Variants in GAPT observed in about 807,000 individuals in gnomAD.
GAPT encodes the protein GRB2 binding adaptor protein, transmembrane.
For missense variants in GAPT, 206 were observed against 189.2 expected (o/e 1.09, Z -0.52); for synonymous variants, 82 against 69.7 (o/e 1.18, Z -0.88).
In GAPT at chr5:58,494,378, C is replaced by A; in HGVS notation, c.-159C>A. On this transcript the variant is annotated 5_prime_UTR_variant, in exon 3 of 3. Coordinates refer to ENST00000502276, the MANE Select transcript of GAPT (RefSeq NM_001304431.2). ...GTTTATACACTCTCTCCTCTAATTG[C>A]ATCAGGACTTTACCAGATAATGTTC... The A allele has an allele frequency of 1.6e-6, 1 of 607,858 alleles. No homozygotes were observed. The allele number at this position is 607,858 out of a possible 1,614,324, so 37.7% of individuals were successfully genotyped here.
chr5:58,496,348 T>C lies in GAPT; in HGVS notation c.*1338T>C, dbSNP rs1368868651. ...AAAAAAATCTAATAAATTCATCTGT[T>C]ATTCATCCATACAAGGAATATTTGT... On this transcript the variant is annotated 3_prime_UTR_variant, in exon 3 of 3. Coordinates refer to ENST00000502276, the MANE Select transcript of GAPT (RefSeq NM_001304431.2). The C allele has an allele frequency of 1.2e-5, 2 of 166,966 alleles. No individual in the cohort carries two copies. The highest frequency in any genetic ancestry group is 2.9e-5 in the Non-Finnish European group (2 of 68,126). The allele number at this position is 166,966 out of a possible 1,614,324, so 10.3% of individuals were successfully genotyped here.
intron 1 of GAPT, chr5:58,493,488 T>A (rs190866509): frequency 3.3e-5 from 5 of 152,340 alleles, no homozygotes; most frequent in Admixed American, 2.6e-4. Flanking sequence ...TCTCATTTCA[T>A]GTTTTAAGTA....
Position 58,494,900 on chromosome 5 carries a change from G to C in GAPT, c.364G>C (p.Glu122Gln). The C allele has an allele frequency of 6.2e-7, 1 of 1,613,902 alleles. No homozygotes were observed. Among genetic ancestry groups the C allele is most frequent in the African/African-American group, 1.3e-5 (1 of 75,038 alleles). Residue 122 changes from glutamate (E) to glutamine (Q), a missense_variant, in exon 3 of 3, where the codon GAG (glutamate) becomes CAG (glutamine). Coordinates refer to ENST00000502276, the MANE Select transcript of GAPT (RefSeq NM_001304431.2). ...YENTGQSNFE[E>Q]HIYGNETSSD... is the part of the protein sequence containing the mutation. Reference sequence around the variant, plus strand: ...AAACACAGGGCAGTCTAATTTCGAGGAGCATATCTATGGAAATGAGACATC... The same window carrying C: ...AAACACAGGGCAGTCTAATTTCGAGCAGCATATCTATGGAAATGAGACATC...
At position 58,496,785 on chromosome 5, in the gene GAPT, C is replaced by T. The variant is rs1744462865; in HGVS notation, c.*1775C>T. On this transcript the variant is annotated 3_prime_UTR_variant, in exon 3 of 3. Coordinates refer to ENST00000502276, the MANE Select transcript of GAPT (RefSeq NM_001304431.2). ...TTGTTTGCAGCTTTCTAGTTTCTTC[C>T]ATCATTCCCAGGACCAGCTTCTCTG... The T allele has an allele frequency of 1.2e-5, 2 of 167,516 alleles. No individual in the cohort carries two copies. The highest frequency in any genetic ancestry group is 2.9e-5 in the Non-Finnish European group (2 of 68,356). The allele number at this position is 167,516 out of a possible 1,614,324, so 10.4% of individuals were successfully genotyped here.
intron 2 of GAPT, 113 bp downstream of exon 2, chr5:58,493,951 C>A (rs1027728831): frequency 2.0e-5 from 3 of 152,282 alleles, no homozygotes; most frequent in Admixed American, 1.3e-4. Context: ...ATGTGGAGAT[C>A]TAAGTGATAA....
In GAPT at chr5:58,495,619, G is replaced by T; in HGVS notation, c.*609G>T. 1 of 163,092 alleles carries T rather than the reference G, an allele frequency of 6.1e-6. No individual in the cohort carries two copies. 10.1% of individuals were successfully genotyped at this position (163,092 alleles called of 1,614,324 possible). On this transcript the variant is annotated 3_prime_UTR_variant, in exon 3 of 3. Transcript: ENST00000502276. ...ACCCTCCTTGCACCAGACTAAATCT[G>T]TATTATGTGATATTGATTCTTCCTT...
intron 1 of GAPT, among the ~76,000 whole-genome samples, chr5:58,493,393 A>G (rs1744323370): frequency 6.6e-6 from 1 of 152,192 alleles, no homozygotes; most frequent in Admixed American, 6.5e-5. Flanking sequence ...ATGTAAAATC[A>G]TCTTGCATGG....
In GAPT at chr5:58,496,937, C is replaced by A. The variant is rs1744466171; in HGVS notation, c.*1927C>A. The A allele has an allele frequency of 6.0e-6, 1 of 167,082 alleles. No individual in the cohort carries two copies. The highest frequency in any genetic ancestry group is 6.5e-5 in the Admixed American group (1 of 15,274). The allele number at this position is 167,082 out of a possible 1,614,324, so 10.3% of individuals were successfully genotyped here. A position where few individuals can be genotyped will look rare whatever the true frequency, so the allele number is the denominator to read the frequency against. On this transcript the variant is annotated 3_prime_UTR_variant, in exon 3 of 3. Transcript: ENST00000502276. ...GTACCCTCAGAGTTCTGCGTCCCAG[C>A]CTGGCAGGGCTCCTCCTCTGAGGTC...
chr5:58,495,436 C>T lies in GAPT; in HGVS notation c.*426C>T, dbSNP rs1031046512. On this transcript the variant is annotated 3_prime_UTR_variant, in exon 3 of 3. Transcript: ENST00000502276. Reference sequence around the variant, plus strand: ...ACAAACCTGAACATGTACCCCTGAACATAAAATTATAATTAAAATATTAAA... The same window carrying T: ...ACAAACCTGAACATGTACCCCTGAATATAAAATTATAATTAAAATATTAAA... The T allele has an allele frequency of 8.5e-5, 14 of 164,292 alleles. No individual in the cohort carries two copies. Among genetic ancestry groups the T allele is most frequent in the Non-Finnish European group, 2.0e-4 (14 of 69,892 alleles). 10.2% of individuals were successfully genotyped at this position (164,292 alleles called of 1,614,324 possible). A position where few individuals can be genotyped will look rare whatever the true frequency, so the allele number is the denominator to read the frequency against.
Position 58,495,297 on chromosome 5 carries a change from C to A in GAPT, c.*287C>A. 9.4e-6 allele frequency: 3 copies of A among 320,474 alleles called. No individual in the cohort carries two copies. The highest frequency in any genetic ancestry group is 1.7e-5 in the Non-Finnish European group (3 of 173,886). 19.9% of individuals were successfully genotyped at this position (320,474 alleles called of 1,614,324 possible). A position where few individuals can be genotyped will look rare whatever the true frequency, so the allele number is the denominator to read the frequency against. On this transcript the variant is annotated 3_prime_UTR_variant, in exon 3 of 3. Transcript: ENST00000502276. ...ACACTGGGGCCTACTTGAGGGAGGACAGTGGAAGGAGGGAGAGGTTCAGGG... is the reference window on the plus strand; with the variant it reads ...ACACTGGGGCCTACTTGAGGGAGGAAAGTGGAAGGAGGGAGAGGTTCAGGG...
chr5:58,494,314 A>G lies in GAPT; in HGVS notation c.-223A>G, dbSNP rs1352490143. On this transcript the variant is annotated 5_prime_UTR_variant, in exon 3 of 3. Transcript: ENST00000502276. ...TTATACATTAATGGCTGTAATGTGAAGAGCATCACACACGAAGAGAGCCAT... is the reference window on the plus strand; with the variant it reads ...TTATACATTAATGGCTGTAATGTGAGGAGCATCACACACGAAGAGAGCCAT... 8.1e-6 allele frequency: 4 copies of G among 492,208 alleles called. No individual in the cohort carries two copies. The highest frequency in any genetic ancestry group is 1.9e-5 in the African/African-American group (1 of 51,988). 30.5% of individuals were successfully genotyped at this position (492,208 alleles called of 1,614,324 possible). A position where few individuals can be genotyped will look rare whatever the true frequency, so the allele number is the denominator to read the frequency against.
intron 1 of GAPT, among the ~76,000 whole-genome samples, chr5:58,492,765 C>G (rs1052499877): frequency 2.6e-5 from 4 of 152,112 alleles, no homozygotes; most frequent in Non-Finnish European, 5.9e-5. Flanking sequence ...CAGAGCACCA[C>G]TTTGTGAATT....
chr5:58,492,285 T>C (rs1357978619), intron 1 of GAPT, among the ~76,000 whole-genome samples: 2 of 152,192 alleles, frequency 1.3e-5, no homozygotes, highest in African/African-American at 4.8e-5. Flanking sequence ...TTTCAATCAA[T>C]ACTTAAAGTG....
intron 1 of GAPT, 104 bp from the exon 2 acceptor site, chr5:58,493,607 T>C (rs1359996989): frequency 2.0e-5 from 3 of 152,188 alleles, no homozygotes; most frequent in Non-Finnish European, 4.4e-5. Context: ...TTGGATGCAT[T>C]TTCTGTGCTA....
chr5:58,491,464 G>A lies in GAPT; in HGVS notation c.-496G>A, dbSNP rs1298788714. The A allele has an allele frequency of 6.6e-6, 1 of 152,066 alleles. No homozygotes were observed. The highest frequency in any genetic ancestry group is 2.4e-5 in the African/African-American group (1 of 41,406). The allele number at this position is 152,066 out of a possible 1,614,324, so 9.4% of individuals were successfully genotyped here. On this transcript the variant is annotated 5_prime_UTR_variant, in exon 1 of 3. Transcript: ENST00000502276. ...AAGTAACCCACCAAAGTGAAAAAGAGGAACAAGTTCTAACCCAATGCAGGT... is the reference window on the plus strand; with the variant it reads ...AAGTAACCCACCAAAGTGAAAAAGAAGAACAAGTTCTAACCCAATGCAGGT...
rs776765823 is a variant in GAPT at position 58,494,736 on chromosome 5, T to C, written c.200T>C (p.Ile67Thr). ...AAAACATTCTTGGGCCCCCGCATCATTGGCTTAAGGCATGAAATCTCAGTT... is the reference window on the plus strand; with the variant it reads ...AAAACATTCTTGGGCCCCCGCATCACTGGCTTAAGGCATGAAATCTCAGTT... ...CTKTFLGPRI[I>T]GLRHEISVET... The change falls in exon 3 of 3, where the codon ATT becomes ACT. Residue 67 changes from isoleucine to threonine, a missense_variant. Ile to Thr is a moderately conservative substitution (Grantham distance 89). Transcript: ENST00000502276. 37 of 1,613,848 alleles carry C rather than the reference T, an allele frequency of 2.3e-5. No homozygotes were observed. Among genetic ancestry groups the C allele is most frequent in the Non-Finnish European group, 2.9e-5 (34 of 1,179,952 alleles).
chr5:58,491,634 A>G (rs1744261121), intron 1 of GAPT, 93 bp downstream of exon 1: 1 of 152,188 alleles, frequency 6.6e-6, no homozygotes, highest in Non-Finnish European at 1.5e-5. Flanking sequence ...ATCTTACTAC[A>G]GTTTTTAGAA....
At chr5:58,492,221 A>G (rs1744277943) in intron 1 of GAPT, among the ~76,000 whole-genome samples, 1 of 152,208 alleles carries the variant, frequency 6.6e-6, no homozygotes, top group African/African-American at 2.4e-5. Flanking sequence ...AGCCTTCCTC[A>G]ACCCTCACCG....
chr5:58,491,714 A>C (rs1392885004), intron 1 of GAPT, among the ~76,000 whole-genome samples, 173 bp downstream of exon 1: 2 of 152,182 alleles, frequency 1.3e-5, no homozygotes, highest in East Asian at 3.8e-4. Flanking sequence ...ATGTTTCTTT[A>C]CAATATGATT....
Sources: gnomAD v4.1 joint callset for allele counts (sites outside exome capture counted in the v4.1 genomes callset) on GRCh38, gnomAD v4.1.1 for gene constraint, MANE v1.5 for transcripts, NCBI Gene and HGNC (gene_info 2026-07-23, HGNC 2026-07-21) for gene names.